The following PKD2L1 variants were observed in gnomAD, a reference collection of about 807,000 sequenced individuals.
PKD2L1 encodes the protein polycystin-2-like protein 1.
PKD2L1 carries 77 observed loss-of-function variants against 93.0 expected under a neutral mutation model. The ratio of observed to expected loss-of-function variants is 0.83; its 90% CI spans 0.69 to 1.00. The LOEUF (loss-of-function observed/expected upper bound fraction) is 1.00, where lower values mean the gene tolerates loss of function less well. Among genes scored for constraint, PKD2L1 ranks in the 50% least tolerant of loss-of-function variants. The pLI, the probability that PKD2L1 is intolerant of heterozygous loss-of-function variation, is 0.00. For synonymous variants in PKD2L1, 390 were observed against 388.0 expected (o/e 1.01, Z -0.06); for missense variants, 977 against 990.9 (o/e 0.99, Z 0.19).
intron 2 of PKD2L1, among the ~76,000 whole-genome samples, chr10:100,325,378 TGGCCCTCCTGA>T (rs1849355068): frequency 6.6e-6 from 1 of 152,128 alleles, no homozygotes. Flanking sequence ...AGCACCGAAG[TGGCCCTCCTGA>T]GGCCATTCCA....
chr10:100,289,917 T>G, intron 14 of PKD2L1, 98 bp downstream of exon 14: 1 of 1,346,256 alleles, frequency 7.4e-7, no homozygotes, highest in Non-Finnish European at 1.1e-6. Context: ...CCTGAAAACA[T>G]AGGTCTTTCA....
At chr10:100,294,772 G>C in intron 8 of PKD2L1, 117 bp from the exon 9 acceptor site, 1 of 1,455,258 alleles carries the variant, frequency 6.9e-7, no homozygotes, top group Non-Finnish European at 9.5e-7. Flanking sequence ...ACACAGGGCA[G>C]GGTGCTTAGA....
intron 5 of PKD2L1, 45 bp from the exon 6 acceptor site, chr10:100,297,253 G>A (rs767781461): frequency 1.3e-6 from 2 of 1,575,974 alleles, no homozygotes; most frequent in South Asian, 2.2e-5. Context: ...CCTTCGCTGG[G>A]ACGGCTCCTC....
In PKD2L1 at chr10:100,293,383, GAA is replaced by G. The variant is rs1355749641; in HGVS notation, c.1660-6_1660-5del. 1 of 1,599,408 alleles carries G rather than the reference GAA, an allele frequency of 6.3e-7. No individual in the cohort carries two copies. Among genetic ancestry groups the G allele is most frequent in the South Asian group, 1.1e-5 (1 of 90,780 alleles). ...TGATGATGGCCAGGAACATGTTCTG[GAA>G]AATGAAGTGGGGACCTGGGTCCTCA... On this transcript the variant is annotated splice_region_variant and splice_polypyrimidine_tract_variant and intron_variant, in intron 9 of 15. Transcript: ENST00000318222.
chr10:100,321,629 T>C (rs181780629), intron 2 of PKD2L1, among the ~76,000 whole-genome samples: 1,521 of 127,682 alleles, frequency 0.012, 34 homozygotes, highest in African/African-American at 0.045. Flanking sequence ...GCTGAAATCG[T>C]GCCACTGCAC....
Position 100,289,068 on chromosome 10 carries a change from A to G in PKD2L1, c.2251-12T>C. On this transcript the variant is annotated splice_polypyrimidine_tract_variant and intron_variant, in intron 14 of 15. Transcript: ENST00000318222. ...ATAGCTTGTTCCTTCTGTTGGAAGA[A>G]GAAAGGGACAAATCATTTGAAGAAA... The G allele has an allele frequency of 6.3e-7, 1 of 1,588,678 alleles. No individual in the cohort carries two copies. Among genetic ancestry groups the G allele is most frequent in the Non-Finnish European group, 8.6e-7 (1 of 1,160,374 alleles).
At chr10:100,326,858 C>G (rs1849390531) in intron 2 of PKD2L1, among the ~76,000 whole-genome samples, 2 of 151,916 alleles carry the variant, frequency 1.3e-5, no homozygotes, top group South Asian at 4.2e-4. Flanking sequence ...GCCTTCAATC[C>G]CTACATAATA....
intron 2 of PKD2L1, among the ~76,000 whole-genome samples, chr10:100,322,226 A>G (rs1849276299): frequency 6.6e-6 from 1 of 152,098 alleles, no homozygotes; most frequent in Non-Finnish European, 1.5e-5. Context: ...TCTCAAAACA[A>G]CAACAACAAC....
At chr10:100,308,979 A>G (rs2133556451) in intron 2 of PKD2L1, among the ~76,000 whole-genome samples, 1 of 152,352 alleles carries the variant, frequency 6.6e-6, no homozygotes, top group Middle Eastern at 3.4e-3. Flanking sequence ...ATTCTGGTGT[A>G]AAATGAATAA....
At chr10:100,304,499 T>C (rs1848754867) in intron 2 of PKD2L1, among the ~76,000 whole-genome samples, 1 of 149,638 alleles carries the variant, frequency 6.7e-6, no homozygotes, top group Non-Finnish European at 1.5e-5. Flanking sequence ...TTATCTTTTC[T>C]TTTCCTTTTT....
At chr10:100,290,367 C>A in intron 13 of PKD2L1, 34 bp downstream of exon 13, 1 of 1,447,956 alleles carries the variant, frequency 6.9e-7, no homozygotes, top group South Asian at 1.1e-5. Context: ...GAAGTGTTGC[C>A]AGCCCTGAAC....
At chr10:100,293,723 A>G (rs1216051508) in intron 9 of PKD2L1, among the ~76,000 whole-genome samples, 1 of 152,132 alleles carries the variant, frequency 6.6e-6, no homozygotes, top group African/African-American at 2.4e-5. Flanking sequence ...TGAGAGTACA[A>G]TTGTGATCTC....
intron 11 of PKD2L1, 78 bp downstream of exon 11, chr10:100,292,870 A>G: frequency 6.8e-7 from 1 of 1,477,780 alleles, no homozygotes; most frequent in East Asian, 2.3e-5. Flanking sequence ...CCAAAGGCTT[A>G]TAAGCAAATG....
Position 100,288,244 on chromosome 10 carries a change from T to C in PKD2L1, c.*152A>G, listed in dbSNP as rs1348008784. On this transcript the variant is annotated 3_prime_UTR_variant, in exon 16 of 16. Coordinates refer to ENST00000318222, the MANE Select transcript of PKD2L1 (RefSeq NM_016112.3). ...CCCACCACATATTAATTCAAAGATC[T>C]CTGAATCCTGAGTTCATTTCCTTGC... The C allele has an allele frequency of 1.5e-6, 1 of 645,176 alleles. No homozygotes were observed. The highest frequency in any genetic ancestry group is 4.1e-4 in the Middle Eastern group (1 of 2,440). 40.0% of individuals were successfully genotyped at this position (645,176 alleles called of 1,614,324 possible).
rs757930945 is a variant in PKD2L1, at chr10:100,293,245, A to C, written c.1758+36T>G. On this transcript the variant is annotated intron_variant, in intron 10 of 15. Coordinates refer to ENST00000318222, the MANE Select transcript of PKD2L1 (RefSeq NM_016112.3). Reference sequence around the variant, plus strand: ...CACAGAGCCTTAGACTGGGGCACTGATGGAAATGTGTAGCTCAAGGAGATT... The same window carrying C: ...CACAGAGCCTTAGACTGGGGCACTGCTGGAAATGTGTAGCTCAAGGAGATT... 4 of 1,543,682 alleles carry C rather than the reference A, an allele frequency of 2.6e-6. No homozygotes were observed. The Admixed American group carries it at 6.7e-5, about 26-fold the overall frequency.
intron 2 of PKD2L1, among the ~76,000 whole-genome samples, chr10:100,316,492 C>T (rs773216440): frequency 4.6e-5 from 7 of 152,166 alleles, no homozygotes; most frequent in Non-Finnish European, 1.0e-4. Context: ...ATTTCAAAAC[C>T]CTCAGCACTT....
At position 100,330,048 on chromosome 10, in the gene PKD2L1, G is replaced by T. The variant is rs781449047; in HGVS notation, c.56C>A (p.Ala19Asp). The T allele has an allele frequency of 3.7e-6, 6 of 1,610,114 alleles. No individual in the cohort carries two copies. In the African/African-American group the frequency reaches 8.0e-5, roughly 22 times the overall value. ...GQELQKLGSG[A>D]WDNPAYSGPP... ...ACCACTGTAGGCGGGGTTGTCCCAG[G>T]CTCCACTCCCCAGCTTTTGCAGCTC... is the stretch of plus-strand genomic sequence containing the variant. Residue 19 changes from alanine to aspartate, a missense_variant, in exon 1 of 16, where the codon GCC becomes GAC. Transcript: ENST00000318222.
At chr10:100,326,647 G>A (rs183982631) in intron 2 of PKD2L1, among the ~76,000 whole-genome samples, 239 of 152,340 alleles carry the variant, frequency 1.6e-3, no homozygotes, top group African/African-American at 5.5e-3. Context: ...AGTATGGAGA[G>A]CATTCTGAAA....
Position 100,299,584 on chromosome 10 carries a change from T to C in PKD2L1, c.477+7A>G, listed in dbSNP as rs144054015. The C allele has an allele frequency of 1.5e-4, 240 of 1,613,474 alleles. No individual in the cohort carries two copies. In the African/African-American group the frequency reaches 2.8e-3, roughly 19 times the overall value. ...GAGGGGAGGGGTAGAAAAGATCTTATACTCACATCCCAGAAGTCCGCCATG... is the reference window on the plus strand; with the variant it reads ...GAGGGGAGGGGTAGAAAAGATCTTACACTCACATCCCAGAAGTCCGCCATG... On this transcript the variant is annotated splice_region_variant and intron_variant, in intron 3 of 15. Transcript: ENST00000318222.
Sources: allele counts gnomAD v4.1 joint callset (sites outside exome capture counted in the v4.1 genomes callset), GRCh38; gene constraint gnomAD v4.1.1; transcripts MANE v1.5; gene names NCBI Gene and HGNC (gene_info 2026-07-23, HGNC 2026-07-21).